The following GGA2 variants were observed in gnomAD, a reference collection of about 807,000 sequenced individuals.
GGA2 encodes ADP-ribosylation factor-binding protein GGA2.
Under a neutral mutation model 79.5 loss-of-function variants are expected in GGA2, and 48 were observed. That is an observed-to-expected ratio of 0.60 (90% confidence interval 0.48 to 0.77). GGA2 has a LOEUF of 0.77. Among genes scored for constraint, GGA2 ranks in the 30% least tolerant of loss-of-function variants. The pLI, the probability that GGA2 is intolerant of heterozygous loss-of-function variation, is 0.00. For synonymous variants in GGA2, 317 were observed against 302.0 expected (o/e 1.05, Z -0.51); for missense variants, 770 against 774.0 (o/e 0.99, Z 0.06).
intron 6 of GGA2, among the ~76,000 whole-genome samples, 170 bp downstream of exon 6, chr16:23,488,436 T>A (rs773258066): frequency 1.3e-5 from 2 of 152,160 alleles, no homozygotes; most frequent in Admixed American, 6.5e-5. Flanking sequence ...AGTTGACTTA[T>A]CCATGAAGAA....
At chr16:23,467,862 C>T (rs1489640751) in intron 16 of GGA2, among the ~76,000 whole-genome samples, 162 bp from the exon 17 acceptor site, 2 of 152,170 alleles carry the variant, frequency 1.3e-5, no homozygotes, top group Non-Finnish European at 2.9e-5. Flanking sequence ...ATCCTGGGAA[C>T]CCTTCGATAA....
intron 1 of GGA2, among the ~76,000 whole-genome samples, chr16:23,505,938 G>A (rs1435447711): frequency 6.6e-6 from 1 of 152,060 alleles, no homozygotes; most frequent in Non-Finnish European, 1.5e-5. Flanking sequence ...CCTTTTTTTG[G>A]TAAGCGGGTA....
In GGA2 at chr16:23,475,017, C is replaced by T. The variant is rs1195010500; in HGVS notation, c.1337G>A (p.Gly446Asp). 1 of 1,604,978 alleles carries T rather than the reference C, an allele frequency of 6.2e-7. No homozygotes were observed. Among genetic ancestry groups the T allele is most frequent in the Admixed American group, 1.7e-5 (1 of 58,072 alleles). ...QKSVPKEVPPGTKSSPGWSWE... is the reference protein window; with the variant it reads ...QKSVPKEVPPDTKSSPGWSWE... The stretch of plus-strand genomic sequence containing the variant: ...GGACCAACCTGGAGAGGACTTAGTA[C>T]CTGGTGGCACTTCCTTGGGGACACT... The change falls in exon 14 of 17, where the codon GGT (glycine) becomes GAT (aspartate). Residue 446 changes from glycine to aspartate, a missense_variant. Coordinates refer to ENST00000309859, the MANE Select transcript of GGA2 (RefSeq NM_015044.4).
At chr16:23,496,482 A>C (rs1040638828) in intron 1 of GGA2, among the ~76,000 whole-genome samples, 2 of 152,046 alleles carry the variant, frequency 1.3e-5, no homozygotes, top group Non-Finnish European at 2.9e-5. Flanking sequence ...GCTGTGTGAC[A>C]GGAAGACAAG....
At chr16:23,519,401 G>T (rs1965122384) in intron 2 of GGA2, among the ~76,000 whole-genome samples, 1 of 152,118 alleles carries the variant, frequency 6.6e-6, no homozygotes, top group Non-Finnish European at 1.5e-5. Context: ...GAAGGAACTG[G>T]TTTCCCACAC....
At chr16:23,473,784 G>A (rs919251254) in intron 14 of GGA2, among the ~76,000 whole-genome samples, 6 of 152,100 alleles carry the variant, frequency 3.9e-5, no homozygotes, top group African/African-American at 1.4e-4. Context: ...TTCCCCAGAT[G>A]TTAACATCGT....
At chr16:23,521,870 C>G (rs1965146581) in exon 1 of GGA2, 1 of 455,988 alleles carries the variant, frequency 2.2e-6, no homozygotes, top group Non-Finnish European at 4.4e-6. Flanking sequence ...CTCAGTAGAT[C>G]AGAGTTAAGC....
At chr16:23,468,637 CT>C (rs1455165634) in intron 16 of GGA2, among the ~76,000 whole-genome samples, 3 of 151,810 alleles carry the variant, frequency 2.0e-5, no homozygotes, top group Non-Finnish European at 4.4e-5. Flanking sequence ...CCACAACCAG[CT>C]AATTTTTGTA....
chr16:23,494,111 A>G lies in GGA2; in HGVS notation c.252+192T>C, dbSNP rs1429167943. 2.4e-5 allele frequency: 14 copies of G among 595,660 alleles called. No homozygotes were observed. In the African/African-American group the frequency reaches 2.6e-4, roughly 11 times the overall value. The allele number at this position is 595,660 out of a possible 1,614,324, so 36.9% of individuals were successfully genotyped here. A position where few individuals can be genotyped will look rare whatever the true frequency, so the allele number is the denominator to read the frequency against. ...GTAGACTCAATGCTGCCCTGAAGAA[A>G]CAGACGAGAAACAGGAGGAAGAAGG... On this transcript the variant is annotated intron_variant, in intron 3 of 16. Coordinates refer to ENST00000309859, the MANE Select transcript of GGA2 (RefSeq NM_015044.4).
At chr16:23,486,501 G>T (rs901649975) in intron 7 of GGA2, among the ~76,000 whole-genome samples, 11 of 152,206 alleles carry the variant, frequency 7.2e-5, no homozygotes, top group Non-Finnish European at 2.9e-5. Context: ...GATGAAAGCA[G>T]CTGAGAAGTA....
intron 14 of GGA2, among the ~76,000 whole-genome samples, chr16:23,473,052 T>C (rs567394309): frequency 4.2e-5 from 6 of 141,822 alleles, no homozygotes; most frequent in Admixed American, 7.1e-5. Flanking sequence ...AAAAAAAGAC[T>C]GAATAAACAG....
At chr16:23,519,275 T>A (rs938445080) in intron 2 of GGA2, among the ~76,000 whole-genome samples, 1 of 152,104 alleles carries the variant, frequency 6.6e-6, no homozygotes, top group Non-Finnish European at 1.5e-5. Context: ...ACTCCTAGGC[T>A]CAAGTGATCC....
intron 1 of GGA2, among the ~76,000 whole-genome samples, chr16:23,503,641 C>A (rs1272486505): frequency 6.6e-6 from 1 of 152,166 alleles, no homozygotes; most frequent in African/African-American, 2.4e-5. Context: ...AAAACCTATA[C>A]ACAAGAACTT....
At chr16:23,479,272 TGAG>T (rs1457043772) in intron 11 of GGA2, among the ~76,000 whole-genome samples, 4 of 148,416 alleles carry the variant, frequency 2.7e-5, no homozygotes, top group Admixed American at 6.7e-5. Context: ...ATGTGCTTCC[TGAG>T]GAGACCAGCT....
intron 1 of GGA2, among the ~76,000 whole-genome samples, chr16:23,499,713 C>T (rs1202912412): frequency 2.0e-5 from 3 of 152,194 alleles, no homozygotes; most frequent in African/African-American, 4.8e-5. Flanking sequence ...CCGCCCGCCT[C>T]GGCCCCCCAA....
Position 23,491,639 on chromosome 16 carries a change from A to C in GGA2, c.475+38T>G, listed in dbSNP as rs1189359905. On this transcript the variant is annotated intron_variant, in intron 5 of 16. Coordinates refer to ENST00000309859, the MANE Select transcript of GGA2 (RefSeq NM_015044.4). ...TGAAAAAGCAAGAAGATACAGGCCT[A>C]GTCAAGAGGAAATAAGACACAGTAA... 2.5e-6 allele frequency: 4 copies of C among 1,601,236 alleles called. No homozygotes were observed. The South Asian group carries it at 3.3e-5, about 13-fold the overall frequency.
chr16:23,481,304 C>T (rs905706453), intron 9 of GGA2, among the ~76,000 whole-genome samples: 8 of 152,016 alleles, frequency 5.3e-5, no homozygotes, highest in Admixed American at 3.3e-4. Context: ...ACCCAGGAGA[C>T]GGAGGTTGCA....
chr16:23,471,805 C>T (rs1261166722), intron 14 of GGA2, among the ~76,000 whole-genome samples: 1 of 152,050 alleles, frequency 6.6e-6, no homozygotes, highest in Non-Finnish European at 1.5e-5. Flanking sequence ...ACCTGGGGGT[C>T]TGAGGCAGGA....
rs1964815173 is a variant in GGA2 at position 23,493,470 on chromosome 16, C to T, written c.253-12G>A. ...CACATCTCCAGCACCTGCACAGACA[C>T]AGGACCCCCAGGAGAAGGTGGAAAG... On this transcript the variant is annotated splice_polypyrimidine_tract_variant and intron_variant, in intron 3 of 16. Transcript: ENST00000309859. 2 of 1,534,400 alleles carry T rather than the reference C, an allele frequency of 1.3e-6. No individual in the cohort carries two copies. Among genetic ancestry groups the T allele is most frequent in the South Asian group, 1.1e-5 (1 of 89,516 alleles).
Sources: gnomAD v4.1 joint callset for allele counts (sites outside exome capture counted in the v4.1 genomes callset) on GRCh38, gnomAD v4.1.1 for gene constraint, MANE v1.5 for transcripts, NCBI Gene and HGNC (gene_info 2026-07-23, HGNC 2026-07-21) for gene names.